Variants in SMKR1 observed in about 807,000 individuals in gnomAD.
The protein encoded by SMKR1 is small lysine-rich protein 1.
SMKR1 carries 4 observed loss-of-function variants against 4.0 expected under a neutral mutation model. The ratio of observed to expected loss-of-function variants is 1.00; its 90% CI spans 0.49 to 2.30. The LOEUF is 2.30. SMKR1 is among the 30% of genes most tolerant of loss of function. The probability of loss-of-function intolerance (pLI) is 0.02; values close to 1 mark genes in which losing one functional copy is unlikely to be tolerated. For synonymous variants in SMKR1, 38 were observed against 32.5 expected (o/e 1.17, Z -0.58); for missense variants, 56 against 81.8 (o/e 0.68, Z 1.22).
chr7:129,506,209 G>A (rs1799463667), intron 1 of SMKR1, among the ~76,000 whole-genome samples: 1 of 152,188 alleles, frequency 6.6e-6, no homozygotes, highest in African/African-American at 2.4e-5. Flanking sequence ...GGAGGCTGAG[G>A]CGAGAGGATA....
chr7:129,502,722 G>A lies in SMKR1; in HGVS notation c.-103G>A. On this transcript the variant is annotated 5_prime_UTR_variant, in exon 1 of 2. Coordinates refer to ENST00000462322, the MANE Select transcript of SMKR1 (RefSeq NM_001195243.2). ...CTGAGGAGGGCCGAGAAGGGGCCGG[G>A]GGTGCTAGGGGAACGGGCGCTGGGG... 1 of 1,509,616 alleles carries A rather than the reference G, an allele frequency of 6.6e-7. No homozygotes were observed. Among genetic ancestry groups the A allele is most frequent in the South Asian group, 1.2e-5 (1 of 83,542 alleles). 93.5% of individuals were successfully genotyped at this position (1,509,616 alleles called of 1,614,324 possible).
chr7:129,507,380 G>C (rs1799481106), intron 1 of SMKR1, among the ~76,000 whole-genome samples: 2 of 151,916 alleles, frequency 1.3e-5, no homozygotes, highest in Admixed American at 1.3e-4. Context: ...GAACTCCTGG[G>C]CTCAAGCGAT....
At chr7:129,507,537 T>C (rs766051224) in intron 1 of SMKR1, among the ~76,000 whole-genome samples, 11 of 152,234 alleles carry the variant, frequency 7.2e-5, no homozygotes, top group Non-Finnish European at 1.5e-4. Context: ...CATTTCCACC[T>C]TAGGAGTGGA....
At chr7:129,507,231 G>A (rs983953039) in intron 1 of SMKR1, among the ~76,000 whole-genome samples, 7 of 152,192 alleles carry the variant, frequency 4.6e-5, no homozygotes, top group Admixed American at 1.3e-4. Context: ...TAGCCAGGAC[G>A]GTCTCGATCT....
chr7:129,505,213 A>G (rs1799452395), intron 1 of SMKR1, among the ~76,000 whole-genome samples: 2 of 152,188 alleles, frequency 1.3e-5, no homozygotes, highest in African/African-American at 2.4e-5. Context: ...CTGGTGAGGG[A>G]AACAAACAAT....
At position 129,512,366 on chromosome 7, in the gene SMKR1, C is replaced by T. The variant is rs1027578932; in HGVS notation, c.123C>T (p.Asn41=). 1.1e-5 allele frequency: 17 copies of T among 1,535,932 alleles called. No homozygotes were observed. The highest frequency in any genetic ancestry group is 4.1e-5 in the African/African-American group (3 of 73,016). ...TGAACCTCTACTACATCGCCCACAA[C>T]GTCGCTGACTGCCTGCATCTGCGAG... The part of the protein sequence containing the change: ...AMLNLYYIAH[N]VADCLHLRGF... Residue 41 remains asparagine, a synonymous_variant, in exon 2 of 2, where the codon AAC becomes AAT. Coordinates refer to ENST00000462322, the MANE Select transcript of SMKR1 (RefSeq NM_001195243.2).
rs1472754754 is a variant in SMKR1 at position 129,512,454 on chromosome 7, A to T, written c.*13A>T. On this transcript the variant is annotated 3_prime_UTR_variant, in exon 2 of 2. Transcript: ENST00000462322. Reference sequence around the variant, plus strand: ...GAGAAGCAAGTGACAGCATTTCACAACACATCTCTGTTACAGACAACAGGA... The same window carrying T: ...GAGAAGCAAGTGACAGCATTTCACATCACATCTCTGTTACAGACAACAGGA... The T allele has an allele frequency of 1.6e-5, 25 of 1,531,282 alleles. No individual in the cohort carries two copies. The highest frequency in any genetic ancestry group is 2.2e-5 in the Non-Finnish European group (25 of 1,145,230). The allele number at this position is 1,531,282 out of a possible 1,614,324, so 94.9% of individuals were successfully genotyped here. A position where few individuals can be genotyped will look rare whatever the true frequency, so the allele number is the denominator to read the frequency against.
At chr7:129,507,754 CATTTCACTA>C (rs1430971060) in intron 1 of SMKR1, among the ~76,000 whole-genome samples, 2 of 152,176 alleles carry the variant, frequency 1.3e-5, no homozygotes, top group African/African-American at 4.8e-5. Context: ...GTTTTCATTG[CATTTCACTA>C]ATGACTTAAT....
rs371109615 is a variant in SMKR1 at position 129,505,338 on chromosome 7, CT to C, written c.3+2512del. On this transcript the variant is annotated intron_variant, in intron 1 of 1. Transcript: ENST00000462322. ...TAAAGACAGACCACTGTACTTCCCC[CT>C]GTCCCTAGCCTGGGACAGTCTCAGT... Among the ~76,000 whole-genome samples the C allele has an allele frequency of 1.4e-4, 22 of 152,262 alleles. No individual in the cohort carries two copies. The East Asian group carries it at 4.2e-3, about 29-fold the overall frequency.
chr7:129,507,893 T>C (rs1356628144), intron 1 of SMKR1, among the ~76,000 whole-genome samples: 1 of 152,226 alleles, frequency 6.6e-6, no homozygotes, highest in Non-Finnish European at 1.5e-5. Context: ...TGAGAGTTGT[T>C]TGTTCTCCAT....
chr7:129,511,203 T>G (rs1799523425), intron 1 of SMKR1, among the ~76,000 whole-genome samples: 1 of 152,248 alleles, frequency 6.6e-6, no homozygotes, highest in Non-Finnish European at 1.5e-5. Context: ...ACATACATAT[T>G]TGCATCCTGA....
At chr7:129,510,840 G>A (rs559131536) in intron 1 of SMKR1, among the ~76,000 whole-genome samples, 2 of 151,924 alleles carry the variant, frequency 1.3e-5, no homozygotes, top group Admixed American at 6.6e-5. Flanking sequence ...GCAGAGTCTC[G>A]CTCTGTCCCC....
chr7:129,507,597 C>A (rs1303839164), intron 1 of SMKR1, among the ~76,000 whole-genome samples: 1 of 152,176 alleles, frequency 6.6e-6, no homozygotes, highest in Non-Finnish European at 1.5e-5. Flanking sequence ...AAAGAGGCTG[C>A]AAACTGTTTT....
rs1799535698 is a variant in SMKR1, at chr7:129,512,334, GCCATGCTGAACCTCTACTA to G, written c.93_111del (p.Met32SerfsTer57). The G allele has an allele frequency of 1.3e-6, 2 of 1,536,062 alleles. No individual in the cohort carries two copies. Among genetic ancestry groups the G allele is most frequent in the East Asian group, 4.9e-5 (2 of 40,902 alleles). The stretch of plus-strand genomic sequence containing the variant: ...AGAAGTGGACATTCTCAGCCCCGCG[GCCATGCTGAACCTCTACTA>G]CATCGCCCACAACGTCGCTGACTGC... On this transcript the variant is annotated frameshift_variant, in exon 2 of 2. Coordinates refer to ENST00000462322, the MANE Select transcript of SMKR1 (RefSeq NM_001195243.2). LOFTEE classifies it high-confidence loss of function.
intron 1 of SMKR1, among the ~76,000 whole-genome samples, chr7:129,504,423 G>C (rs771222034): frequency 6.6e-6 from 1 of 152,154 alleles, no homozygotes; most frequent in Non-Finnish European, 1.5e-5. Flanking sequence ...CCCTACTCTC[G>C]GCCCACAGGC....
At position 129,512,274 on chromosome 7, in the gene SMKR1, C is replaced by T; in HGVS notation, c.31C>T (p.Gln11Ter). ...AGCTAAAGGGAAAAAAGGAAAAGGC[C>T]AGGGCAAGTCTCATGGGAAGAAACA... Reference protein sequence around the residue: MPAKGKKGKGQGKSHGKKQKK... With the variant: MPAKGKKGKG The change falls in exon 2 of 2, where the codon CAG becomes TAG. Residue 11 changes from glutamine (Q) to a stop codon, truncating the protein, a stop_gained. Coordinates refer to ENST00000462322, the MANE Select transcript of SMKR1 (RefSeq NM_001195243.2). LOFTEE classifies it high-confidence loss of function. The T allele has an allele frequency of 6.5e-7, 1 of 1,529,818 alleles. No individual in the cohort carries two copies. The highest frequency in any genetic ancestry group is 8.7e-7 in the Non-Finnish European group (1 of 1,145,180). 94.8% of individuals were successfully genotyped at this position (1,529,818 alleles called of 1,614,324 possible).
intron 1 of SMKR1, among the ~76,000 whole-genome samples, chr7:129,509,038 G>A (rs1799497299): frequency 6.6e-6 from 1 of 152,210 alleles, no homozygotes; most frequent in Non-Finnish European, 1.5e-5. Flanking sequence ...ACCCAGGCCA[G>A]GTGTGGTGGC....
At position 129,512,332 on chromosome 7, in the gene SMKR1, C is replaced by T. The variant is rs146252666; in HGVS notation, c.89C>T (p.Ala30Val). 35 of 1,536,042 alleles carry T rather than the reference C, an allele frequency of 2.3e-5. No homozygotes were observed. Among genetic ancestry groups the T allele is most frequent in the South Asian group, 9.5e-5 (8 of 84,042 alleles). ...KKPEVDILSP[A>V]AMLNLYYIAH... is the part of the protein sequence containing the mutation. The stretch of plus-strand genomic sequence containing the variant: ...CCAGAAGTGGACATTCTCAGCCCCG[C>T]GGCCATGCTGAACCTCTACTACATC... The change falls in exon 2 of 2, where the codon GCG becomes GTG. Residue 30 changes from alanine (A) to valine (V), a missense_variant. Ala to Val is a moderately conservative substitution (Grantham distance 64, BLOSUM62 0). Coordinates refer to ENST00000462322, the MANE Select transcript of SMKR1 (RefSeq NM_001195243.2).
Position 129,512,247 on chromosome 7 carries a change from C to T in SMKR1, c.4C>T (p.Pro2Ser). ...CCATATTTATATTTGTCTTTGAAAG[C>T]CAGCTAAAGGGAAAAAAGGAAAAGG... is the stretch of plus-strand genomic sequence containing the variant. M[P>S]AKGKKGKGQG... Residue 2 changes from proline to serine, a missense_variant and splice_region_variant, in exon 2 of 2, where the codon CCA (proline) becomes TCA (serine). Coordinates refer to ENST00000462322, the MANE Select transcript of SMKR1 (RefSeq NM_001195243.2). 6.7e-7 allele frequency: 1 copy of T among 1,499,900 alleles called. No individual in the cohort carries two copies. Among genetic ancestry groups the T allele is most frequent in the Non-Finnish European group, 8.8e-7 (1 of 1,135,908 alleles). The allele number at this position is 1,499,900 out of a possible 1,614,324, so 92.9% of individuals were successfully genotyped here.
Sources: allele counts gnomAD v4.1 joint callset (sites outside exome capture counted in the v4.1 genomes callset), GRCh38; gene constraint gnomAD v4.1.1; transcripts MANE v1.5; gene names NCBI Gene and HGNC (gene_info 2026-07-23, HGNC 2026-07-21).